ACADVL: variants seen among roughly 807,000 people sequenced by gnomAD.
ACADVL encodes the protein very long-chain acyl-CoA dehydrogenase, mitochondrial.
ACADVL carries 73 observed loss-of-function variants against 80.4 expected under a neutral mutation model. The ratio of observed to expected loss-of-function variants is 0.91; its 90% confidence interval spans 0.75 to 1.10. The LOEUF is 1.10. Among genes scored for constraint, ACADVL ranks in the 50% least tolerant of loss-of-function variants. The pLI, the probability that ACADVL is intolerant of heterozygous loss-of-function variation, is 0.00. For missense variants in ACADVL, 878 were observed against 858.9 expected (o/e 1.02, Z -0.28); for synonymous variants, 392 against 326.5 (o/e 1.20, Z -2.16).
upstream of ACADVL, chr17:7,219,921 T>TGAGCGTGCAGGACGC (rs1555527390): frequency 3.0e-5 from 46 of 1,555,418 alleles, no homozygotes; most frequent in South Asian, 5.3e-4. Context: ...CGCCAGGACG[T>TGAGCGTGCAGGACGC]GGGCGTGCAG....
chr17:7,221,782 G>A, intron 7 of ACADVL, 100 bp downstream of exon 7: 11 of 1,600,240 alleles, frequency 6.9e-6, no homozygotes, highest in Non-Finnish European at 7.7e-6. Context: ...GAGCATTTCA[G>A]TTGGGGGAAG....
chr17:7,218,669 G>A (rs1470767668), upstream of ACADVL: 23 of 1,550,768 alleles, frequency 1.5e-5, no homozygotes, highest in Non-Finnish European at 1.9e-5. Context: ...ATTGGGACAG[G>A]GAAGATGCCA....
At chr17:7,221,745 A>G in intron 7 of ACADVL, 63 bp downstream of exon 7, 1 of 1,610,894 alleles carries the variant, frequency 6.2e-7, no homozygotes, top group Admixed American at 1.7e-5. Context: ...AGATTAGGCC[A>G]GTTGGCACTT....
At chr17:7,218,177 T>C (rs2071020617), upstream of ACADVL, 1 of 1,427,912 alleles carries the variant, frequency 7.0e-7, no homozygotes, top group Admixed American at 2.0e-5. Flanking sequence ...TTAGTGATAT[T>C]TGGCTCACCC....
chr17:7,219,212 A>G (rs1331484181), upstream of ACADVL: 7 of 330,768 alleles, frequency 2.1e-5, no homozygotes, highest in Non-Finnish European at 3.2e-5. Flanking sequence ...TTCCTGCCCT[A>G]GGGCTAGAGA....
chr17:7,221,137 G>T, intron 6 of ACADVL, 79 bp downstream of exon 6: 10 of 1,604,866 alleles, frequency 6.2e-6, no homozygotes, highest in Non-Finnish European at 8.5e-6. Flanking sequence ...TAGACCTAGA[G>T]ACTAGGGCTA....
Position 7,224,197 on chromosome 17 carries a change from G to A in ACADVL, c.1486G>A (p.Gly496Arg). 1 of 1,614,112 alleles carries A rather than the reference G, an allele frequency of 6.2e-7. No homozygotes were observed. The highest frequency in any genetic ancestry group is 1.1e-5 in the South Asian group (1 of 91,090). The change falls in exon 15 of 20, where the codon GGG (glycine) becomes AGG (arginine). Residue 496 changes from glycine (G) to arginine (R), a missense_variant. Transcript: ENST00000356839. The stretch of plus-strand genomic sequence containing the variant: ...TGGCAGTGCTCTAAAGAATCCCTTT[G>A]GGAATGCTGGCCTCCTGCTAGGAGA... ...GLGSALKNPFGNAGLLLGEAG... is the reference protein window; with the variant it reads ...GLGSALKNPFRNAGLLLGEAG...
chr17:7,222,782 GT>G lies in ACADVL; in HGVS notation c.996del (p.Ala333ProfsTer20), dbSNP rs1057516843. 1.2e-6 allele frequency: 2 copies of G among 1,613,934 alleles called. No homozygotes were observed. The highest frequency in any genetic ancestry group is 1.7e-6 in the Non-Finnish European group (2 of 1,180,028). ...VLGEVGSGFK[V>X]AMHILNNGRF... ...GGGTGAGGTTGGGAGTGGCTTCAAG[GT>G]TGCCATGCACATCCTCAACAATGGA... On this transcript the variant is annotated frameshift_variant, in exon 10 of 20. Coordinates refer to ENST00000356839, the MANE Select transcript of ACADVL (RefSeq NM_000018.4). LOFTEE classifies it high-confidence loss of function.
intron 11 of ACADVL, 184 bp downstream of exon 11, chr17:7,223,421 G>A: frequency 1.2e-6 from 1 of 805,648 alleles, no homozygotes; most frequent in Non-Finnish European, 2.2e-6. Context: ...GTTCTGCTCA[G>A]GTGCCTGCCA....
intron 16 of ACADVL, 23 bp downstream of exon 16, chr17:7,224,416 G>A (rs780274136): frequency 2.5e-6 from 4 of 1,613,872 alleles, no homozygotes; most frequent in East Asian, 2.2e-5. Context: ...GGGTCCAGGA[G>A]AGCCTGCATC....
upstream of ACADVL, chr17:7,217,779 G>T: frequency 6.5e-7 from 1 of 1,535,340 alleles, no homozygotes; most frequent in Non-Finnish European, 8.7e-7. Context: ...CAAACATGGA[G>T]ACCTGGCCAG....
At chr17:7,221,361 T>C in intron 6 of ACADVL, 177 bp from the exon 7 acceptor site, 1 of 1,150,630 alleles carries the variant, frequency 8.7e-7, no homozygotes, top group Non-Finnish European at 1.3e-6. Context: ...CAGCATTCTC[T>C]GCTGTGCCCT....
At chr17:7,221,762 T>C in intron 7 of ACADVL, 80 bp downstream of exon 7, 3 of 1,606,694 alleles carry the variant, frequency 1.9e-6, no homozygotes, top group Non-Finnish European at 2.6e-6. Flanking sequence ...ACTTAGATTA[T>C]CAGATGGCTG....
At position 7,220,789 on chromosome 17, in the gene ACADVL, T is replaced by C. The variant is rs759197049; in HGVS notation, c.301T>C (p.Phe101Leu). ...AGTGCTCAACGAAGAGCAGACACAG[T>C]TTCTTAAAGAGCTGGTGGAGCCTGT... ...PSVLNEEQTQ[F>L]LKELVEPVSR... The change falls in exon 5 of 20, where the codon TTT becomes CTT. Residue 101 changes from phenylalanine to leucine, a missense_variant. By Grantham distance (22) the Phe-to-Leu change is conservative. Coordinates refer to ENST00000356839, the MANE Select transcript of ACADVL (RefSeq NM_000018.4). 6.2e-7 allele frequency: 1 copy of C among 1,613,952 alleles called. No individual in the cohort carries two copies. The highest frequency in any genetic ancestry group is 1.3e-5 in the African/African-American group (1 of 74,906).
At position 7,221,638 on chromosome 17, in the gene ACADVL, G is replaced by C; in HGVS notation, c.578G>C (p.Gly193Ala). The C allele has an allele frequency of 1.2e-6, 2 of 1,614,034 alleles. No homozygotes were observed. Among genetic ancestry groups the C allele is most frequent in the Non-Finnish European group, 1.7e-6 (2 of 1,180,044 alleles). Residue 193 changes from glycine to alanine, a missense_variant, in exon 7 of 20, where the codon GGC becomes GCC. Gly to Ala is a moderately conservative substitution (Grantham distance 60). Coordinates refer to ENST00000356839, the MANE Select transcript of ACADVL (RefSeq NM_000018.4). ...SIGFKGILLF[G>A]TKAQKEKYLP... ...GGTTTCAAAGGCATCCTGCTCTTTG[G>C]CACAAAGGCCCAGAAAGAAAAATAC...
Position 7,225,259 on chromosome 17 carries a change from G to C in ACADVL, c.*162G>C, listed in dbSNP as rs1597541909. ...GCCTCGCAAATAATAAAAATTTCTA[G>C]CCAGTCATGCTTTGCTCCTGTGTGA... On this transcript the variant is annotated 3_prime_UTR_variant, in exon 20 of 20. Coordinates refer to ENST00000356839, the MANE Select transcript of ACADVL (RefSeq NM_000018.4). The C allele has an allele frequency of 5.2e-6, 5 of 952,834 alleles. No individual in the cohort carries two copies. The highest frequency in any genetic ancestry group is 5.2e-5 in the East Asian group (2 of 38,334). 59.0% of individuals were successfully genotyped at this position (952,834 alleles called of 1,614,324 possible).
intron 10 of ACADVL, 60 bp from the exon 11 acceptor site, chr17:7,223,073 C>T (rs2071308166): frequency 2.0e-5 from 31 of 1,545,572 alleles, no homozygotes; most frequent in Non-Finnish European, 2.5e-5. Context: ...CCCAGCCCCT[C>T]TCCTAGGGAG....
chr17:7,217,508 G>A (rs1210954537), upstream of ACADVL: 1 of 244,750 alleles, frequency 4.1e-6, no homozygotes, highest in Middle Eastern at 2.0e-3. Flanking sequence ...CCCGGGGTAG[G>A]GGGGGGTCTT....
At chr17:7,218,474 C>G, upstream of ACADVL, 1 of 1,495,640 alleles carries the variant, frequency 6.7e-7, no homozygotes, top group Non-Finnish European at 9.1e-7. Context: ...TCTGGGCTCC[C>G]AAACAGCCCC....
Sources: gnomAD v4.1 joint callset for allele counts on GRCh38, gnomAD v4.1.1 for gene constraint, MANE v1.5 for transcripts, NCBI Gene and HGNC (gene_info 2026-07-23, HGNC 2026-07-21) for gene names.